The following PLXNA2 variants were observed in gnomAD, a reference collection of about 807,000 sequenced individuals.
PLXNA2 encodes the protein plexin A2, also known as plexin-A2.
In PLXNA2, 91 loss-of-function variants were observed where a neutral mutation model predicts 193.5. That is an observed-to-expected ratio of 0.47 (90% CI 0.40 to 0.56). PLXNA2 has a LOEUF of 0.56. Ranked by LOEUF, PLXNA2 falls within the 20% of genes least tolerant of loss-of-function variation. The probability of loss-of-function intolerance (pLI) is 0.00; values close to 1 mark genes in which losing one functional copy is unlikely to be tolerated. For missense variants in PLXNA2, 1,995 were observed against 2,503.2 expected, an observed-to-expected ratio of 0.80 and a Z score of 4.33; for synonymous variants, 997 against 1,027.3, an observed-to-expected ratio of 0.97 and a Z score of 0.56.
At chr1:208,232,219 A>G (rs1398384154) in intron 1 of PLXNA2, among the ~76,000 whole-genome samples, 2 of 152,194 alleles carry the variant, frequency 1.3e-5, no homozygotes, top group Non-Finnish European at 1.5e-5. Flanking sequence ...ATCTGTAAGG[A>G]GAGACCACTG....
In PLXNA2 at chr1:208,023,754, C is replaced by T. The variant is rs948456757; in HGVS notation, c.*3489G>A. 2 of 152,242 alleles carry T rather than the reference C, an allele frequency of 1.3e-5. No individual in the cohort carries two copies. The highest frequency in any genetic ancestry group is 6.5e-5 in the Admixed American group (1 of 15,286). 9.4% of individuals were successfully genotyped at this position (152,242 alleles called of 1,614,324 possible). ...ACCAGCTTCCTGAAGGATATAAATT[C>T]GCTGGAAGAAAGACCTTGGTTTTGT... On this transcript the variant is annotated 3_prime_UTR_variant, in exon 32 of 32. Coordinates refer to ENST00000367033, the MANE Select transcript of PLXNA2 (RefSeq NM_025179.4).
At chr1:208,193,940 TA>T (rs975044299) in intron 3 of PLXNA2, among the ~76,000 whole-genome samples, 30 of 152,006 alleles carry the variant, frequency 2.0e-4, no homozygotes, top group Admixed American at 9.8e-4. Flanking sequence ...AAAATTTTAT[TA>T]AAAAAATTTT....
At chr1:208,104,380 G>A (rs11118985) in intron 4 of PLXNA2, among the ~76,000 whole-genome samples, 34,585 of 151,980 alleles carry the variant, frequency 0.23, 4,075 homozygotes, top group Admixed American at 0.28. Flanking sequence ...AAACGACAGC[G>A]AACAGCACAC....
chr1:208,175,868 G>C (rs1342079564), intron 3 of PLXNA2, among the ~76,000 whole-genome samples: 2 of 152,204 alleles, frequency 1.3e-5, no homozygotes, highest in African/African-American at 4.8e-5. Flanking sequence ...ATAGTTAAAA[G>C]ATGCCTAGGG....
chr1:208,104,201 C>A (rs1016760070), intron 4 of PLXNA2, among the ~76,000 whole-genome samples: 1 of 152,168 alleles, frequency 6.6e-6, no homozygotes, highest in Non-Finnish European at 1.5e-5. Flanking sequence ...AAAAACATAA[C>A]CTGTGGTCCA....
At chr1:208,094,553 A>C (rs891972857) in intron 8 of PLXNA2, among the ~76,000 whole-genome samples, 1 of 152,246 alleles carries the variant, frequency 6.6e-6, no homozygotes, top group Non-Finnish European at 1.5e-5. Flanking sequence ...TGCTCTCACA[A>C]ACAATGGATT....
intron 28 of PLXNA2, 121 bp from the exon 29 acceptor site, chr1:208,031,880 C>A (rs942448266): frequency 1.3e-5 from 16 of 1,263,044 alleles, no homozygotes; most frequent in Non-Finnish European, 1.7e-5. Flanking sequence ...CGAGGCTGTG[C>A]AGGCAGTGTT....
intron 3 of PLXNA2, among the ~76,000 whole-genome samples, chr1:208,171,022 T>C (rs1669479454): frequency 6.6e-6 from 1 of 152,196 alleles, no homozygotes; most frequent in Non-Finnish European, 1.5e-5. Context: ...GAAGACTTCC[T>C]GGAGGGGGTA....
rs1037893750 is a variant in PLXNA2, at chr1:208,026,631, C to A, written c.*612G>T. 6.8e-6 allele frequency: 1 copy of A among 146,398 alleles called. No individual in the cohort carries two copies. 9.1% of individuals were successfully genotyped at this position (146,398 alleles called of 1,614,324 possible). A position where few individuals can be genotyped will look rare whatever the true frequency, so the allele number is the denominator to read the frequency against. On this transcript the variant is annotated 3_prime_UTR_variant, in exon 32 of 32. Coordinates refer to ENST00000367033, the MANE Select transcript of PLXNA2 (RefSeq NM_025179.4). ...GTGTTTGGTGCATACTTGTGCTCAT[C>A]ATTCTTCTTCTCCTCTTTCTCTTTT...
intron 27 of PLXNA2, among the ~76,000 whole-genome samples, chr1:208,034,116 C>G (rs1041757701): frequency 6.6e-6 from 1 of 152,226 alleles, no homozygotes; most frequent in Non-Finnish European, 1.5e-5. Context: ...ATTGATCAAA[C>G]TGGGACACTT....
intron 10 of PLXNA2, among the ~76,000 whole-genome samples, chr1:208,083,789 T>A (rs1161675969): frequency 6.6e-6 from 1 of 151,670 alleles, no homozygotes; most frequent in African/African-American, 2.4e-5. Flanking sequence ...CCCTTGCTGC[T>A]CCTGAAATTC....
intron 4 of PLXNA2, among the ~76,000 whole-genome samples, chr1:208,137,303 A>C (rs915266615): frequency 3.3e-5 from 5 of 152,206 alleles, no homozygotes; most frequent in Non-Finnish European, 7.3e-5. Context: ...ATGCAAACTA[A>C]TTAAAGTATA....
rs538577214 is a variant in PLXNA2, at chr1:208,142,460, G to T, written c.1375C>A (p.Arg459=). 1.9e-6 allele frequency: 3 copies of T among 1,603,902 alleles called. No individual in the cohort carries two copies. The highest frequency in any genetic ancestry group is 2.6e-6 in the Non-Finnish European group (3 of 1,176,020). The change falls in exon 4 of 32, where the codon CGG becomes AGG. Residue 459 remains arginine, a synonymous_variant. Transcript: ENST00000367033. ...CCACCATGGGGGGGACCGTCGGCCC[G>T]AATCTGTATGAGAAACAAGGGTGTC... is the stretch of plus-strand genomic sequence containing the variant. The part of the protein sequence containing the change: ...GTKSGKLKKI[R]ADGPPHGGVQ...
At chr1:208,189,699 A>G (rs1293130955) in intron 3 of PLXNA2, among the ~76,000 whole-genome samples, 1 of 152,194 alleles carries the variant, frequency 6.6e-6, no homozygotes, top group East Asian at 1.9e-4. Context: ...CCAAAGCTCA[A>G]TAAGGCTAAC....
intron 2 of PLXNA2, among the ~76,000 whole-genome samples, chr1:208,215,779 G>A (rs1671106158): frequency 6.6e-6 from 1 of 152,114 alleles, no homozygotes; most frequent in Non-Finnish European, 1.5e-5. Context: ...ATGATTGGAT[G>A]GTTGGATGAA....
chr1:208,039,488 T>C, intron 24 of PLXNA2, 133 bp downstream of exon 24: 1 of 1,243,716 alleles, frequency 8.0e-7, no homozygotes, highest in Non-Finnish European at 1.1e-6. Flanking sequence ...CACTTAGTTG[T>C]CCTTTGGGCT....
chr1:208,042,064 T>C, intron 22 of PLXNA2, 34 bp downstream of exon 22: 2 of 1,604,570 alleles, frequency 1.2e-6, no homozygotes, highest in East Asian at 4.5e-5. Context: ...TTCAGACTCC[T>C]GCCACCCTCT....
chr1:208,032,197 CT>C, intron 28 of PLXNA2: 1 of 959,026 alleles, frequency 1.0e-6, no homozygotes, highest in Non-Finnish European at 1.2e-6. Flanking sequence ...TATGAAGAGG[CT>C]TAGGATGTTA....
chr1:208,199,339 G>A (rs977961915), intron 3 of PLXNA2, among the ~76,000 whole-genome samples: 1 of 152,140 alleles, frequency 6.6e-6, no homozygotes, highest in Non-Finnish European at 1.5e-5. Context: ...TTTTAAGTTC[G>A]GCATAGGAAA....
Sources: gnomAD v4.1 joint callset for allele counts (sites outside exome capture counted in the v4.1 genomes callset) on GRCh38, gnomAD v4.1.1 for gene constraint, MANE v1.5 for transcripts, NCBI Gene and HGNC (gene_info 2026-07-23, HGNC 2026-07-21) for gene names.